Variants in PLXNB1 observed in about 807,000 individuals in gnomAD.
PLXNB1 encodes plexin-B1.
A neutral mutation model predicts 209.4 loss-of-function variants in PLXNB1; 106 were observed. The ratio of observed to expected loss-of-function variants is 0.51; its 90% confidence interval spans 0.43 to 0.59. The LOEUF (loss-of-function observed/expected upper bound fraction) is 0.59, where lower values mean the gene tolerates loss of function less well. Among genes scored for constraint, PLXNB1 ranks in the 20% least tolerant of loss-of-function variants. The pLI, the probability that PLXNB1 is intolerant of heterozygous loss-of-function variation, is 0.00. For synonymous variants in PLXNB1, 1,167 were observed against 1,183.2 expected (o/e 0.99, Z 0.28); for missense variants, 2,357 against 2,853.2 (o/e 0.83, Z 3.96).
rs1282304556 is a variant in PLXNB1 at position 48,415,523 on chromosome 3, T to G, written c.3794+60A>C. 8 of 1,484,926 alleles carry G rather than the reference T, an allele frequency of 5.4e-6. No individual in the cohort carries two copies. Among genetic ancestry groups the G allele is most frequent in the South Asian group, 3.8e-5 (3 of 78,164 alleles). 92.0% of individuals were successfully genotyped at this position (1,484,926 alleles called of 1,614,324 possible). A position where few individuals can be genotyped will look rare whatever the true frequency, so the allele number is the denominator to read the frequency against. On this transcript the variant is annotated intron_variant, in intron 19 of 37. Coordinates refer to ENST00000296440, the MANE Select transcript of PLXNB1 (RefSeq NM_001130082.3). The surrounding 1 kb of genome is among the most constrained non-coding windows in gnomAD (Gnocchi z 5.0). The stretch of plus-strand genomic sequence containing the variant: ...ACATAAAGCCCTACAAACCCCCACA[T>G]AGTGGAGCTGCAAAGACCTCCCTGC...
chr3:48,413,686 T>C lies in PLXNB1; in HGVS notation c.4519A>G (p.Ile1507Val), dbSNP rs751803351. 4.3e-6 allele frequency: 7 copies of C among 1,613,056 alleles called. No individual in the cohort carries two copies. The East Asian group carries it at 1.3e-4, about 31-fold the overall frequency. Residue 1507 changes from isoleucine (I) to valine (V), a missense_variant, in exon 23 of 38, where the codon ATT becomes GTT. By Grantham distance (29) the Ile-to-Val change is conservative. Transcript: ENST00000296440. The surrounding 1 kb of genome is among the most constrained non-coding windows in gnomAD (Gnocchi z 5.4). Reference protein sequence around the residue: ...TSLLALGVIIIVLMYRRKSKQ... With the variant: ...TSLLALGVIIVVLMYRRKSKQ... ...TGCACCCACCTGTACATGAGGACAATGATGATGACACCCAGAGCCAGAAGA... is the reference window on the plus strand; with the variant it reads ...TGCACCCACCTGTACATGAGGACAACGATGATGACACCCAGAGCCAGAAGA...
intron 34 of PLXNB1, among the ~76,000 whole-genome samples, chr3:48,408,621 T>C (rs2037458087): frequency 6.6e-6 from 1 of 151,956 alleles, no homozygotes; most frequent in Non-Finnish European, 1.5e-5. Context: ...TGAACTCTCT[T>C]CCCTACTTCC....
intron 34 of PLXNB1, among the ~76,000 whole-genome samples, chr3:48,407,904 C>T (rs1281303699): frequency 6.6e-6 from 1 of 152,250 alleles, no homozygotes; most frequent in Non-Finnish European, 1.5e-5. Flanking sequence ...CCTGCGGGTC[C>T]TGGTGTGGCC....
At position 48,417,154 on chromosome 3, in the gene PLXNB1, G is replaced by C. The variant is rs111772538; in HGVS notation, c.3375-703C>G. ...AACACTAACAGTCTAGATAGTCACC[G>C]TAAGTTCTCGGTCATAACACATTCA... is the stretch of plus-strand genomic sequence containing the variant. On this transcript the variant is annotated intron_variant, in intron 16 of 37. Transcript: ENST00000296440. The surrounding 1 kb of genome is among the most constrained non-coding windows in gnomAD (Gnocchi z 4.4). Among the ~76,000 whole-genome samples, 1 of 152,186 alleles carries C rather than the reference G, an allele frequency of 6.6e-6. No homozygotes were observed. Among genetic ancestry groups the C allele is most frequent in the Admixed American group, 6.5e-5 (1 of 15,280 alleles).
Position 48,416,906 on chromosome 3 carries a change from G to A in PLXNB1, c.3375-455C>T, listed in dbSNP as rs185652847. On this transcript the variant is annotated intron_variant, in intron 16 of 37. Coordinates refer to ENST00000296440, the MANE Select transcript of PLXNB1 (RefSeq NM_001130082.3). The surrounding 1 kb of genome is among the most constrained non-coding windows in gnomAD (Gnocchi z 4.1). ...GTCAGACAGGGAAATACAGGTGAAGGGAAAGTGAACCATCTAAGAAAATGC... is the reference window on the plus strand; with the variant it reads ...GTCAGACAGGGAAATACAGGTGAAGAGAAAGTGAACCATCTAAGAAAATGC... The A allele has an allele frequency of 4.1e-4, 63 of 153,454 alleles. No homozygotes were observed. The highest frequency in any genetic ancestry group is 3.9e-3 in the Admixed American group (60 of 15,332). The allele number at this position is 153,454 out of a possible 1,614,324, so 9.5% of individuals were successfully genotyped here.
rs991371180 is a variant in PLXNB1 at position 48,404,261 on chromosome 3, T to C, written c.*225A>G. The C allele has an allele frequency of 1.9e-6, 1 of 535,882 alleles. No homozygotes were observed. Among genetic ancestry groups the C allele is most frequent in the Non-Finnish European group, 3.3e-6 (1 of 302,932 alleles). The allele number at this position is 535,882 out of a possible 1,614,324, so 33.2% of individuals were successfully genotyped here. ...CTGCAGACCGGTGTCACAGGGTCGC[T>C]GGACTCGGGGAGCAGGCTGGGTACT... On this transcript the variant is annotated 3_prime_UTR_variant, in exon 38 of 38. Transcript: ENST00000296440.
Position 48,421,278 on chromosome 3 carries a change from A to G in PLXNB1, c.1760T>C (p.Met587Thr), listed in dbSNP as rs1386586160. Residue 587 changes from methionine (M) to threonine (T), a missense_variant, in exon 8 of 38, where the codon ATG becomes ACG. Met to Thr is a moderately conservative substitution (Grantham distance 81). This residue lies in a region of PLXNB1 where 214 missense variants were observed against 297.1 expected (regional missense o/e 0.72). Coordinates refer to ENST00000296440, the MANE Select transcript of PLXNB1 (RefSeq NM_001130082.3). Reference sequence around the variant, plus strand: ...CTCACTAGGGTCTGGGGAGGGGCACATCACACCAGAACCAGTCAGCAGGGC... The same window carrying G: ...CTCACTAGGGTCTGGGGAGGGGCACGTCACACCAGAACCAGTCAGCAGGGC... ...SPALLTGSGV[M>T]CPSPDPSEAP... 2 of 1,612,232 alleles carry G rather than the reference A, an allele frequency of 1.2e-6. No homozygotes were observed. The highest frequency in any genetic ancestry group is 1.7e-6 in the Non-Finnish European group (2 of 1,179,166).
rs938485673 is a variant in PLXNB1, at chr3:48,419,663, A to G, written c.2623T>C (p.Ser875Pro). Residue 875 changes from serine to proline, a missense_variant, in exon 11 of 38, where the codon TCA (serine) becomes CCA (proline). This residue lies in a region of PLXNB1 where 410 missense variants were observed against 401.0 expected (regional missense o/e 1.02). Transcript: ENST00000296440. The surrounding 1 kb of genome is among the most constrained non-coding windows in gnomAD (Gnocchi z 5.7). ...TSTLLSGDGD[S>P]AELEGPPAPL... ...GCGGGAGGGCCCTCAAGCTCTGCTG[A>G]GTCTCCATCACCTGAGAGGAGGGTG... The G allele has an allele frequency of 1.2e-6, 2 of 1,612,388 alleles. No homozygotes were observed. Among genetic ancestry groups the G allele is most frequent in the African/African-American group, 2.7e-5 (2 of 74,870 alleles).
intron 37 of PLXNB1, among the ~76,000 whole-genome samples, chr3:48,404,929 A>G (rs911320933): frequency 1.3e-5 from 2 of 152,206 alleles, no homozygotes; most frequent in Admixed American, 6.5e-5. Context: ...GACAAGGGGC[A>G]GAGACCCAAG....
rs766168207 is a variant in PLXNB1 at position 48,415,308 on chromosome 3, G to A, written c.3834C>T (p.Asp1278=). Residue 1278 remains aspartate, a synonymous_variant, in exon 20 of 38, where the codon GAC becomes GAT. Coordinates refer to ENST00000296440, the MANE Select transcript of PLXNB1 (RefSeq NM_001130082.3). This position sits in a 1 kb window ranked among gnomAD's most constrained non-coding sequence, Gnocchi z 5.0. ...REICVRGQNL[D]VVQTPRIRVT... ...CCCGGATTCTTGGCGTCTGTACCAC[G>A]TCCAGATTCTGGCCACGGACGCATA... The A allele has an allele frequency of 9.9e-6, 16 of 1,613,442 alleles. No homozygotes were observed. Among genetic ancestry groups the A allele is most frequent in the Admixed American group, 3.3e-5 (2 of 60,004 alleles).
chr3:48,419,070 C>T lies in PLXNB1; in HGVS notation c.2833-31G>A. 6.2e-7 allele frequency: 1 copy of T among 1,610,106 alleles called. No individual in the cohort carries two copies. Among genetic ancestry groups the T allele is most frequent in the Non-Finnish European group, 8.5e-7 (1 of 1,176,858 alleles). On this transcript the variant is annotated intron_variant, in intron 12 of 37. Transcript: ENST00000296440. The surrounding 1 kb of genome is among the most constrained non-coding windows in gnomAD (Gnocchi z 5.7). ...GGCAGAGAACACAGCTGTTGGGCAG[C>T]TTCAGGAGCTGGGCCCAGGGAGTCC...
At position 48,412,316 on chromosome 3, in the gene PLXNB1, G is replaced by T. The variant is rs370993692; in HGVS notation, c.5034-12C>A. On this transcript the variant is annotated splice_polypyrimidine_tract_variant and intron_variant, in intron 26 of 37. Coordinates refer to ENST00000296440, the MANE Select transcript of PLXNB1 (RefSeq NM_001130082.3). The stretch of plus-strand genomic sequence containing the variant: ...CCACAGTCTCTGTCCTGAGATGATG[G>T]GAAAGGGGAGTGCCAGGGTCAGCAG... 5 of 1,614,008 alleles carry T rather than the reference G, an allele frequency of 3.1e-6. No homozygotes were observed. The highest frequency in any genetic ancestry group is 4.2e-6 in the Non-Finnish European group (5 of 1,179,976).
chr3:48,430,200 C>G (rs1339065381), upstream of PLXNB1: 1 of 152,590 alleles, frequency 6.6e-6, no homozygotes, highest in Admixed American at 6.5e-5. Context: ...TGACACCAAC[C>G]CCCCCCAGCC....
In PLXNB1 at chr3:48,418,672, A is replaced by G; in HGVS notation, c.2956-130T>C. 4 of 911,334 alleles carry G rather than the reference A, an allele frequency of 4.4e-6. No homozygotes were observed. The highest frequency in any genetic ancestry group is 1.6e-5 in the South Asian group (1 of 62,410). 56.5% of individuals were successfully genotyped at this position (911,334 alleles called of 1,614,324 possible). A position where few individuals can be genotyped will look rare whatever the true frequency, so the allele number is the denominator to read the frequency against. On this transcript the variant is annotated intron_variant, in intron 13 of 37. Transcript: ENST00000296440. This position sits in a 1 kb window ranked among gnomAD's most constrained non-coding sequence, Gnocchi z 6.6. ...GTCAGAGGGACCCCATGGGGCCACA[A>G]GTTGGAGGGCAGAGCCAGAAATGGA...
chr3:48,405,075 C>A lies in PLXNB1; in HGVS notation c.6304-485G>T, dbSNP rs1011213525. 2.0e-5 allele frequency among the ~76,000 whole-genome samples: 3 copies of A among 152,216 alleles called. No homozygotes were observed. Among genetic ancestry groups the A allele is most frequent in the African/African-American group, 7.2e-5 (3 of 41,456 alleles). ...ACAGCTACTGCCCACTATGTCTCCA[C>A]AAGGGGACATGCCTGCATCACACCC... On this transcript the variant is annotated intron_variant, in intron 37 of 37. Transcript: ENST00000296440. The surrounding 1 kb of genome is among the most constrained non-coding windows in gnomAD (Gnocchi z 5.0).
chr3:48,411,981 AG>A lies in PLXNB1; in HGVS notation c.5128del (p.Leu1710SerfsTer17), dbSNP rs1169413306. 1 of 1,614,110 alleles carries A rather than the reference AG, an allele frequency of 6.2e-7. No individual in the cohort carries two copies. The highest frequency in any genetic ancestry group is 8.5e-7 in the Non-Finnish European group (1 of 1,180,024). On this transcript the variant is annotated frameshift_variant, in exon 28 of 38. Transcript: ENST00000296440. LOFTEE classifies it high-confidence loss of function. The surrounding 1 kb of genome is among the most constrained non-coding windows in gnomAD (Gnocchi z 4.0). ...CACTTGGTGCTTAATCCCTCGAAAG[AG>A]CATGTACAGAGGCTCCCCTACGGAG... The part of the protein sequence containing the change: ...RDSVGEPLYM[L>X]FRGIKHQVDK...
Position 48,410,080 on chromosome 3 carries a change from G to A in PLXNB1, c.5606-3C>T. 1 of 1,577,364 alleles carries A rather than the reference G, an allele frequency of 6.3e-7. No homozygotes were observed. Among genetic ancestry groups the A allele is most frequent in the Non-Finnish European group, 8.6e-7 (1 of 1,158,980 alleles). Reference sequence around the variant, plus strand: ...TACATCCTCCAGCATTGGGGTCCCTGTGCCAAGAGCCCACAGCTGTCACCC... The same window carrying A: ...TACATCCTCCAGCATTGGGGTCCCTATGCCAAGAGCCCACAGCTGTCACCC... On this transcript the variant is annotated splice_polypyrimidine_tract_variant and splice_region_variant and intron_variant, in intron 31 of 37. Transcript: ENST00000296440. This position sits in a 1 kb window ranked among gnomAD's most constrained non-coding sequence, Gnocchi z 6.4.
intron 2 of PLXNB1, among the ~76,000 whole-genome samples, chr3:48,424,820 G>A (rs975704775): frequency 6.6e-6 from 1 of 152,134 alleles, no homozygotes; most frequent in African/African-American, 2.4e-5. Flanking sequence ...AGAAATAGGA[G>A]ACACTTCCTA....
intron 21 of PLXNB1, 86 bp downstream of exon 21, chr3:48,414,713 G>A: frequency 6.6e-7 from 1 of 1,514,966 alleles, no homozygotes. Context: ...TTGCTCTACT[G>A]TCTCGGCCTC....
Sources: gnomAD v4.1 joint callset for allele counts (sites outside exome capture counted in the v4.1 genomes callset) on GRCh38, gnomAD v4.1.1 for gene constraint, gnomAD v4.1.1 regional missense constraint, Gnocchi (gnomAD v3.1) non-coding constraint, MANE v1.5 for transcripts, NCBI Gene and HGNC (gene_info 2026-07-23, HGNC 2026-07-21) for gene names.